UCHL3: variants seen among roughly 807,000 people sequenced by gnomAD.
UCHL3 encodes the protein ubiquitin C-terminal hydrolase L3.
A neutral mutation model predicts 35.8 loss-of-function variants in UCHL3; 22 were observed. The ratio of observed to expected loss-of-function variants is 0.61; its 90% CI spans 0.44 to 0.88. The LOEUF is 0.88. UCHL3 is among the 40% of genes least tolerant of loss of function. The pLI, the probability that UCHL3 is intolerant of heterozygous loss-of-function variation, is 0.00. For synonymous variants in UCHL3, 90 were observed against 92.8 expected (o/e 0.97, Z 0.17); for missense variants, 229 against 276.9 (o/e 0.83, Z 1.23).
Position 75,561,861 on chromosome 13 carries a change from A to G in UCHL3, c.183+980A>G, listed in dbSNP as rs9600497. On this transcript the variant is annotated intron_variant, in intron 3 of 8. Coordinates refer to ENST00000377595, the MANE Select transcript of UCHL3 (RefSeq NM_006002.5). ...TACGTATACGTATACATACGTATAC[A>G]TATATACATACGTATATACGTATAC... 1.5e-3 allele frequency among the ~76,000 whole-genome samples: 125 copies of G among 84,774 alleles called. 1 individual carries two copies. Among genetic ancestry groups the G allele is most frequent in the African/African-American group, 3.7e-3 (112 of 29,970 alleles). The allele number at this position is 84,774 out of a possible 152,430, so 55.6% of individuals were successfully genotyped here.
chr13:75,557,266 G>A (rs2031324373), intron 2 of UCHL3, among the ~76,000 whole-genome samples: 1 of 151,868 alleles, frequency 6.6e-6, no homozygotes, highest in South Asian at 2.1e-4. Context: ...GGCAGTAGAG[G>A]TGAAGTGGGT....
chr13:75,567,175 G>C (rs1334175697), intron 4 of UCHL3, 52 bp from the exon 5 acceptor site: 1 of 1,491,652 alleles, frequency 6.7e-7, no homozygotes, highest in South Asian at 1.2e-5. Context: ...TCATATATTG[G>C]TCTCTCTGCT....
chr13:75,582,191 G>T (rs79621056), intron 6 of UCHL3, among the ~76,000 whole-genome samples: 5,154 of 150,894 alleles, frequency 0.034, 300 homozygotes, highest in African/African-American at 0.12. Context: ...GTGTGTAAGT[G>T]AATGTGTGTG....
At chr13:75,592,453 T>TATATGTATATAC (rs2032530185) in intron 6 of UCHL3, among the ~76,000 whole-genome samples, 1 of 102,186 alleles carries the variant, frequency 9.8e-6, no homozygotes, top group South Asian at 3.1e-4. Flanking sequence ...TATATATATA[T>TATATGTATATAC]ATATATATAT....
At chr13:75,559,348 C>T (rs1014957182) in intron 2 of UCHL3, among the ~76,000 whole-genome samples, 32 of 152,206 alleles carry the variant, frequency 2.1e-4, no homozygotes, top group African/African-American at 7.5e-4. Flanking sequence ...CCCTCAGCCC[C>T]GGACTCTTAT....
intron 2 of UCHL3, among the ~76,000 whole-genome samples, chr13:75,557,921 G>A (rs914581543): frequency 6.6e-6 from 1 of 151,076 alleles, no homozygotes; most frequent in Non-Finnish European, 1.5e-5. Context: ...TCAAACACAG[G>A]GTTTTTTTTT....
chr13:75,595,015 G>A, intron 7 of UCHL3, 25 bp downstream of exon 7: 2 of 1,535,250 alleles, frequency 1.3e-6, no homozygotes, highest in South Asian at 2.4e-5. Context: ...AATTTGTCCT[G>A]GGGAGAGAAA....
At chr13:75,592,492 G>C (rs1284238844) in intron 6 of UCHL3, among the ~76,000 whole-genome samples, 3 of 35,094 alleles carry the variant, frequency 8.5e-5, no homozygotes, top group Non-Finnish European at 2.2e-4. Flanking sequence ...CCCATCTATA[G>C]CCTTTTTTTT....
intron 6 of UCHL3, among the ~76,000 whole-genome samples, chr13:75,571,135 T>C (rs1247407675): frequency 2.0e-5 from 3 of 152,224 alleles, no homozygotes; most frequent in Non-Finnish European, 4.4e-5. Flanking sequence ...AAATTTATAG[T>C]GTTAAAATTG....
chr13:75,594,386 C>A (rs1322769603), intron 6 of UCHL3, among the ~76,000 whole-genome samples: 2 of 152,046 alleles, frequency 1.3e-5, no homozygotes, highest in Non-Finnish European at 2.9e-5. Flanking sequence ...GGTTAAAATG[C>A]TTATTTTACT....
intron 7 of UCHL3, among the ~76,000 whole-genome samples, chr13:75,598,921 T>G (rs1196886265): frequency 6.6e-6 from 1 of 152,240 alleles, no homozygotes; most frequent in African/African-American, 2.4e-5. Flanking sequence ...CTCTCATTTA[T>G]TCATTTATAA....
intron 2 of UCHL3, among the ~76,000 whole-genome samples, chr13:75,552,733 C>T (rs2138446038): frequency 6.6e-6 from 1 of 152,286 alleles, no homozygotes; most frequent in African/African-American, 2.4e-5. Flanking sequence ...GGGGTAAATG[C>T]AGCTTGCAGC....
chr13:75,584,514 A>G (rs968233215), intron 6 of UCHL3, among the ~76,000 whole-genome samples: 13 of 152,190 alleles, frequency 8.5e-5, no homozygotes, highest in Admixed American at 6.5e-4. Context: ...GCTTATCCCC[A>G]TACACTAAGT....
intron 2 of UCHL3, among the ~76,000 whole-genome samples, chr13:75,550,671 C>A (rs1424327407): frequency 6.6e-6 from 1 of 151,172 alleles, no homozygotes; most frequent in Non-Finnish European, 1.5e-5. Flanking sequence ...AGAGTAAGTG[C>A]TACCAGGTAT....
intron 6 of UCHL3, among the ~76,000 whole-genome samples, chr13:75,584,233 C>T (rs1234264266): frequency 6.6e-6 from 1 of 152,106 alleles, no homozygotes; most frequent in Non-Finnish European, 1.5e-5. Context: ...AATGCCTCCA[C>T]AAGCCCACCA....
intron 3 of UCHL3, among the ~76,000 whole-genome samples, chr13:75,564,986 G>A (rs982071946): frequency 6.6e-6 from 1 of 152,172 alleles, no homozygotes; most frequent in Non-Finnish European, 1.5e-5. Flanking sequence ...GTGAGCTACT[G>A]CGCCCGGCCA....
intron 2 of UCHL3, among the ~76,000 whole-genome samples, chr13:75,553,669 A>G (rs8001271): frequency 0.99 from 150,921 of 152,348 alleles, 74,772 homozygotes; most frequent in Middle Eastern, 1. Flanking sequence ...AATACCATCA[A>G]TTGTCACATA....
intron 2 of UCHL3, among the ~76,000 whole-genome samples, chr13:75,553,649 G>A (rs551496181): frequency 6.6e-6 from 1 of 152,056 alleles, no homozygotes; most frequent in African/African-American, 2.4e-5. Context: ...GTTTTCTGTT[G>A]TATAGTTCTA....
rs533142638 is a variant in UCHL3 at position 75,580,579 on chromosome 13, C to T, written c.474+11072C>T. ...CCCTCTCCCTCTCCTCAAAATTGTT[C>T]GAGGTGCTCACCAGCTTTCAAGTAT... On this transcript the variant is annotated intron_variant, in intron 6 of 8. Transcript: ENST00000377595. Among the ~76,000 whole-genome samples, 19 of 152,282 alleles carry T rather than the reference C, an allele frequency of 1.2e-4. No homozygotes were observed. In the South Asian group the frequency reaches 1.9e-3, roughly 15 times the overall value.
Sources: gnomAD v4.1 joint callset for allele counts (sites outside exome capture counted in the v4.1 genomes callset) on GRCh38, gnomAD v4.1.1 for gene constraint, MANE v1.5 for transcripts, NCBI Gene and HGNC (gene_info 2026-07-23, HGNC 2026-07-21) for gene names.